HS6ST3: variants seen among roughly 807,000 people sequenced by gnomAD.
HS6ST3 encodes heparan-sulfate 6-O-sulfotransferase 3.
Under a neutral mutation model 36.7 loss-of-function variants are expected in HS6ST3, and 12 were observed. The ratio of observed to expected loss-of-function variants is 0.33; its 90% confidence interval spans 0.21 to 0.53. The LOEUF is 0.53. HS6ST3 is among the 20% of genes least tolerant of loss of function. The pLI, the probability that HS6ST3 is intolerant of heterozygous loss-of-function variation, is 0.95. For synonymous variants in HS6ST3, 240 were observed against 257.5 expected (o/e 0.93, Z 0.65); for missense variants, 584 against 640.9 (o/e 0.91, Z 0.96).
chr13:96,650,108 A>G (rs1417836324), intron 1 of HS6ST3, among the ~76,000 whole-genome samples: 4 of 151,958 alleles, frequency 2.6e-5, no homozygotes, highest in African/African-American at 9.7e-5. Flanking sequence ...TCAGTGTGGC[A>G]TGCTGTTCCC....
intron 1 of HS6ST3, among the ~76,000 whole-genome samples, chr13:96,361,827 A>C (rs1331657805): frequency 1.3e-5 from 2 of 152,232 alleles, no homozygotes; most frequent in African/African-American, 4.8e-5. Context: ...GCCTTCATGT[A>C]GGCTTCAGAG....
At chr13:96,440,394 C>T (rs2055664448) in intron 1 of HS6ST3, among the ~76,000 whole-genome samples, 1 of 136,448 alleles carries the variant, frequency 7.3e-6, no homozygotes, top group South Asian at 2.4e-4. Flanking sequence ...TGCAGTGAGT[C>T]GAGGTTGTGC....
At chr13:96,404,610 A>G (rs914661912) in intron 1 of HS6ST3, among the ~76,000 whole-genome samples, 9 of 152,206 alleles carry the variant, frequency 5.9e-5, no homozygotes, top group African/African-American at 2.2e-4. Context: ...TTGGAAGGAA[A>G]AGTCTGGGAG....
chr13:96,625,827 A>G (rs1279367786), intron 1 of HS6ST3, among the ~76,000 whole-genome samples: 3 of 150,964 alleles, frequency 2.0e-5, no homozygotes, highest in African/African-American at 7.3e-5. Flanking sequence ...CTTTGTAAAG[A>G]GAAATTCTTC....
intron 1 of HS6ST3, among the ~76,000 whole-genome samples, chr13:96,291,277 A>G (rs989974680): frequency 1.2e-4 from 19 of 152,294 alleles, no homozygotes; most frequent in African/African-American, 4.1e-4. Context: ...ATATTTGTTA[A>G]ATGAGTAAAT....
Position 96,131,789 on chromosome 13 carries a change from A to G in HS6ST3, c.707+40220A>G, listed in dbSNP as rs114666453. Among the ~76,000 whole-genome samples, 1,273 of 151,882 alleles carry G rather than the reference A, an allele frequency of 8.4e-3. 22 individuals carry two copies. Among genetic ancestry groups the G allele is most frequent in the African/African-American group, 0.029 (1,205 of 41,394 alleles). On this transcript the variant is annotated intron_variant, in intron 1 of 1. Transcript: ENST00000376705. ...ATATCATTTATTACCTAGAAAATAA[A>G]ATGTCTAAGATAGATAATGGCGTGG...
intron 1 of HS6ST3, among the ~76,000 whole-genome samples, chr13:96,766,277 G>T (rs1877111191): frequency 6.6e-6 from 1 of 152,192 alleles, no homozygotes; most frequent in Non-Finnish European, 1.5e-5. Flanking sequence ...AAAAGTAAAT[G>T]TGACAGTGTG....
At chr13:96,733,407 C>G (rs1034108982) in intron 1 of HS6ST3, among the ~76,000 whole-genome samples, 1 of 152,060 alleles carries the variant, frequency 6.6e-6, no homozygotes, top group South Asian at 2.1e-4. Context: ...TTTTGTTTTT[C>G]ATTGTGCTAT....
chr13:96,268,789 G>A (rs1044707341), intron 1 of HS6ST3, among the ~76,000 whole-genome samples: 1 of 151,648 alleles, frequency 6.6e-6, no homozygotes, highest in Non-Finnish European at 1.5e-5. Flanking sequence ...GTATTTACAT[G>A]CAATATAACT....
At chr13:96,339,953 CCTT>C (rs2055121794) in intron 1 of HS6ST3, among the ~76,000 whole-genome samples, 1 of 152,190 alleles carries the variant, frequency 6.6e-6, no homozygotes, top group Admixed American at 6.5e-5. Flanking sequence ...GAAGAGTTAA[CCTT>C]CTTATTCAGA....
At position 96,833,239 on chromosome 13, in the gene HS6ST3, G is replaced by C; in HGVS notation, c.*41G>C. The C allele has an allele frequency of 7.0e-7, 1 of 1,438,082 alleles. No homozygotes were observed. Among genetic ancestry groups the C allele is most frequent in the Non-Finnish European group, 9.2e-7 (1 of 1,090,556 alleles). The allele number at this position is 1,438,082 out of a possible 1,614,324, so 89.1% of individuals were successfully genotyped here. A position where few individuals can be genotyped will look rare whatever the true frequency, so the allele number is the denominator to read the frequency against. On this transcript the variant is annotated 3_prime_UTR_variant, in exon 2 of 2. Transcript: ENST00000376705. ...TCTCTCAGGAGGGGGAGGGTGAGCA[G>C]GCACATTGACTTTCTGTTGAGGTAC... is the stretch of plus-strand genomic sequence containing the variant.
At chr13:96,521,725 A>G (rs1412993781) in intron 1 of HS6ST3, among the ~76,000 whole-genome samples, 3 of 151,914 alleles carry the variant, frequency 2.0e-5, no homozygotes, top group South Asian at 2.1e-4. Flanking sequence ...TATTGCATCT[A>G]TTTGATTCTT....
At chr13:96,238,162 T>A (rs1040842357) in intron 1 of HS6ST3, among the ~76,000 whole-genome samples, 1 of 149,978 alleles carries the variant, frequency 6.7e-6, no homozygotes, top group Non-Finnish European at 1.5e-5. Context: ...AGGAAAGAAC[T>A]CTGGGGGGTC....
chr13:96,308,124 T>C (rs1472098462), intron 1 of HS6ST3, among the ~76,000 whole-genome samples: 1 of 152,146 alleles, frequency 6.6e-6, no homozygotes, highest in East Asian at 1.9e-4. Context: ...TATTTTTCAG[T>C]CTATAAGAAA....
intron 1 of HS6ST3, among the ~76,000 whole-genome samples, chr13:96,178,138 G>T (rs2054221320): frequency 6.6e-6 from 1 of 152,102 alleles, no homozygotes; most frequent in Admixed American, 6.5e-5. Context: ...GGTGGATAGG[G>T]TACAAGATTG....
At chr13:96,715,118 A>G (rs1050869282) in intron 1 of HS6ST3, among the ~76,000 whole-genome samples, 11 of 152,218 alleles carry the variant, frequency 7.2e-5, no homozygotes, top group Admixed American at 3.9e-4. Flanking sequence ...ATTAAATAAC[A>G]AAAACAAAAA....
At chr13:96,803,151 A>C (rs1878121043) in intron 1 of HS6ST3, among the ~76,000 whole-genome samples, 1 of 151,542 alleles carries the variant, frequency 6.6e-6, no homozygotes, top group Non-Finnish European at 1.5e-5. Context: ...CCATTACCTC[A>C]TTCCCCCAGT....
chr13:96,432,454 C>T lies in HS6ST3; in HGVS notation c.707+340885C>T, dbSNP rs1051895211. 2.0e-5 allele frequency among the ~76,000 whole-genome samples: 3 copies of T among 152,078 alleles called. 1 individual carries two copies. Among genetic ancestry groups the T allele is most frequent in the South Asian group, 4.1e-4 (2 of 4,826 alleles). ...TTTTCTAGTATATTGTTAATAAAGG[C>T]CACAAACATTTTATTGAAACTTGGT... On this transcript the variant is annotated intron_variant, in intron 1 of 1. Transcript: ENST00000376705.
chr13:96,370,784 C>T (rs2055285884), intron 1 of HS6ST3, among the ~76,000 whole-genome samples: 1 of 152,068 alleles, frequency 6.6e-6, no homozygotes, highest in African/African-American at 2.4e-5. Flanking sequence ...CAGTGGTAGG[C>T]TACTCGGGAG....
Sources: allele counts gnomAD v4.1 joint callset (sites outside exome capture counted in the v4.1 genomes callset), GRCh38; gene constraint gnomAD v4.1.1; transcripts MANE v1.5; gene names NCBI Gene and HGNC (gene_info 2026-07-23, HGNC 2026-07-21).